Variants in RTN1 observed in about 807,000 individuals in gnomAD.
RTN1 encodes the protein reticulon-1.
In RTN1, 25 loss-of-function variants were observed where a neutral mutation model predicts 65.5. The ratio of observed to expected loss-of-function variants is 0.38; its 90% CI spans 0.28 to 0.53. RTN1 has a LOEUF of 0.53. RTN1 is among the 20% of genes least tolerant of loss of function. The pLI, the probability that RTN1 is intolerant of heterozygous loss-of-function variation, is 0.79. For synonymous variants in RTN1, 471 were observed against 447.6 expected (o/e 1.05, Z -0.66); for missense variants, 983 against 1,025.4 (o/e 0.96, Z 0.57).
chr14:59,859,106 T>G (rs1887660477), intron 1 of RTN1, among the ~76,000 whole-genome samples: 1 of 152,234 alleles, frequency 6.6e-6, no homozygotes, highest in Non-Finnish European at 1.5e-5. Context: ...GTTTTTGTGA[T>G]GCACACAGTT....
At chr14:59,783,768 C>A (rs1447870714) in intron 1 of RTN1, among the ~76,000 whole-genome samples, 1 of 151,964 alleles carries the variant, frequency 6.6e-6, no homozygotes, top group Non-Finnish European at 1.5e-5. Context: ...TTGAGGATAA[C>A]CCAAGGTAAA....
At position 59,836,483 on chromosome 14, in the gene RTN1, A is replaced by C. The variant is rs12878097; in HGVS notation, c.241+33907T>G. 0.26 allele frequency among the ~76,000 whole-genome samples: 39,976 copies of C among 152,190 alleles called. 5,569 individuals are homozygous for C. Among genetic ancestry groups the C allele is most frequent in the East Asian group, 0.55 (2,826 of 5,162 alleles). ...CATCTTCTTTGTAAGTCATGCTTTT[A>C]AGAGGTTTTGGCTTTCTTGCTTTCA... is the stretch of plus-strand genomic sequence containing the variant. On this transcript the variant is annotated intron_variant, in intron 1 of 8. Coordinates refer to ENST00000267484, the MANE Select transcript of RTN1 (RefSeq NM_021136.3). The surrounding 1 kb of genome is among the most constrained non-coding windows in gnomAD (Gnocchi z 4.9).
chr14:59,671,945 A>G (rs1389199291), intron 3 of RTN1, among the ~76,000 whole-genome samples: 2 of 152,242 alleles, frequency 1.3e-5, no homozygotes, highest in African/African-American at 2.4e-5. Flanking sequence ...TATTTCTGAC[A>G]TCTAGTTCCT....
chr14:59,820,481 T>A (rs1030198500), intron 1 of RTN1, among the ~76,000 whole-genome samples: 2 of 150,202 alleles, frequency 1.3e-5, no homozygotes, highest in Admixed American at 1.3e-4. Flanking sequence ...GGTGAAGACA[T>A]ATGCCCAGAA....
At chr14:59,826,940 C>T (rs906883813) in intron 1 of RTN1, among the ~76,000 whole-genome samples, 2 of 152,076 alleles carry the variant, frequency 1.3e-5, no homozygotes, top group Non-Finnish European at 2.9e-5. Flanking sequence ...AAGGTGGGAG[C>T]AGAGTATTTA....
At chr14:59,709,061 G>C (rs1393390300) in intron 3 of RTN1, among the ~76,000 whole-genome samples, 1 of 152,128 alleles carries the variant, frequency 6.6e-6, no homozygotes, top group Non-Finnish European at 1.5e-5. Context: ...ATATGAACTA[G>C]GCATTAGATG....
chr14:59,742,581 C>G (rs1885136353), intron 2 of RTN1, among the ~76,000 whole-genome samples: 1 of 152,052 alleles, frequency 6.6e-6, no homozygotes, highest in Non-Finnish European at 1.5e-5. Context: ...TATTAGACAC[C>G]TTGCTTAAAC....
rs1887657860 is a variant in RTN1, at chr14:59,858,975, T to G, written c.241+11415A>C. Among the ~76,000 whole-genome samples the G allele has an allele frequency of 3.3e-5, 5 of 152,208 alleles. No homozygotes were observed. In the South Asian group the frequency reaches 1.0e-3, roughly 32 times the overall value. The stretch of plus-strand genomic sequence containing the variant: ...AAAACTGGATAAAATTATATAGTTC[T>G]TAAGAAGCAAATATGTCACATTATG... On this transcript the variant is annotated intron_variant, in intron 1 of 8. Transcript: ENST00000267484.
chr14:59,739,466 G>A (rs1406249861), intron 2 of RTN1, among the ~76,000 whole-genome samples: 17 of 151,760 alleles, frequency 1.1e-4, no homozygotes, highest in Admixed American at 1.3e-4. Context: ...GCTTGAACCC[G>A]GGAGGCTGAG....
intron 1 of RTN1, among the ~76,000 whole-genome samples, chr14:59,819,605 G>A (rs1594755357): frequency 1.3e-5 from 2 of 152,016 alleles, no homozygotes; most frequent in South Asian, 4.1e-4. Flanking sequence ...GACCACTGTT[G>A]TCAGCCCTTG....
intron 2 of RTN1, among the ~76,000 whole-genome samples, chr14:59,730,196 C>T (rs1172561190): frequency 1.3e-5 from 2 of 152,166 alleles, no homozygotes; most frequent in African/African-American, 4.8e-5. Flanking sequence ...AATTTGAATG[C>T]ATGTCTATTT....
chr14:59,850,991 T>C (rs35167780), intron 1 of RTN1, among the ~76,000 whole-genome samples: 1 of 152,238 alleles, frequency 6.6e-6, no homozygotes, highest in Non-Finnish European at 1.5e-5. Flanking sequence ...TTTATTTATA[T>C]ACAGTTGTCT....
chr14:59,784,005 GT>G (rs1344985919), intron 1 of RTN1, among the ~76,000 whole-genome samples: 20 of 150,902 alleles, frequency 1.3e-4, no homozygotes, highest in African/African-American at 4.9e-4. Flanking sequence ...CTTATTGGCT[GT>G]TTGTTATTTC....
chr14:59,669,329 A>G (rs1883450362), intron 3 of RTN1, among the ~76,000 whole-genome samples: 1 of 152,188 alleles, frequency 6.6e-6, no homozygotes, highest in African/African-American at 2.4e-5. Context: ...GTTGGAAATC[A>G]TCATTCTCTT....
chr14:59,636,680 T>C (rs907326382), intron 3 of RTN1, among the ~76,000 whole-genome samples: 1 of 152,204 alleles, frequency 6.6e-6, no homozygotes, highest in African/African-American at 2.4e-5. Context: ...TTAGAGATAT[T>C]GTGGGTTCTG....
chr14:59,707,316 C>A (rs1445993327), intron 3 of RTN1, among the ~76,000 whole-genome samples: 2 of 152,192 alleles, frequency 1.3e-5, no homozygotes, highest in Non-Finnish European at 2.9e-5. Context: ...CATGTCCATT[C>A]CAATATTCTA....
rs1885214335 is a variant in RTN1, at chr14:59,746,036, G to C, written c.687C>G (p.Ile229Met). Reference sequence around the variant, plus strand: ...CACGGACTCCTTCAGGTTTAATTGAGATGTCAGTGTCTTTATTCTTAAAGT... The same window carrying C: ...CACGGACTCCTTCAGGTTTAATTGACATGTCAGTGTCTTTATTCTTAAAGT... ...DLDFKNKDTDISIKPEGVREP... is the reference protein window; with the variant it reads ...DLDFKNKDTDMSIKPEGVREP... Residue 229 changes from isoleucine (I) to methionine (M), a missense_variant, in exon 2 of 9, where the codon ATC becomes ATG. Transcript: ENST00000267484. 1 of 1,614,172 alleles carries C rather than the reference G, an allele frequency of 6.2e-7. No homozygotes were observed. The highest frequency in any genetic ancestry group is 8.5e-7 in the Non-Finnish European group (1 of 1,180,020).
At chr14:59,830,200 G>T (rs184000166) in intron 1 of RTN1, among the ~76,000 whole-genome samples, 3 of 152,282 alleles carry the variant, frequency 2.0e-5, no homozygotes, top group Admixed American at 6.5e-5. Flanking sequence ...TGTGGATAAT[G>T]CTGGTTGGAA....
intron 3 of RTN1, among the ~76,000 whole-genome samples, chr14:59,698,206 T>C (rs1333887753): frequency 2.0e-5 from 3 of 152,142 alleles, no homozygotes; most frequent in Non-Finnish European, 2.9e-5. Flanking sequence ...CATAAGATTT[T>C]TAAAATACTG....
Sources: gnomAD v4.1 joint callset for allele counts (sites outside exome capture counted in the v4.1 genomes callset) on GRCh38, gnomAD v4.1.1 for gene constraint, Gnocchi (gnomAD v3.1) non-coding constraint, MANE v1.5 for transcripts, NCBI Gene and HGNC (gene_info 2026-07-23, HGNC 2026-07-21) for gene names.